The following INTS2 variants were observed in gnomAD, a reference collection of about 807,000 sequenced individuals.
INTS2 encodes integrator complex subunit 2.
Under a neutral mutation model 139.6 loss-of-function variants are expected in INTS2, and 57 were observed. The observed-to-expected ratio is 0.41, with a 90% CI of 0.33 to 0.51. INTS2 has a LOEUF of 0.51. Ranked by LOEUF, INTS2 falls within the 20% of genes least tolerant of loss-of-function variation. The pLI is 0.28. For synonymous variants in INTS2, 473 were observed against 493.4 expected (o/e 0.96, Z 0.55); for missense variants, 1,196 against 1,436.7 (o/e 0.83, Z 2.71).
In INTS2 at chr17:61,869,644, C is replaced by T; in HGVS notation, c.3030+93G>A. On this transcript the variant is annotated intron_variant, in intron 21 of 24. Transcript: ENST00000251334. The surrounding 1 kb of genome is among the most constrained non-coding windows in gnomAD (Gnocchi z 5.4). ...AAAGCCCATGGATCATTTGTGTTTTCTCTGGTTTCTAAATGATCCCTGTTA... is the reference window on the plus strand; with the variant it reads ...AAAGCCCATGGATCATTTGTGTTTTTTCTGGTTTCTAAATGATCCCTGTTA... 7.2e-7 allele frequency: 1 copy of T among 1,396,334 alleles called. No individual in the cohort carries two copies. Among genetic ancestry groups the T allele is most frequent in the Non-Finnish European group, 9.7e-7 (1 of 1,027,374 alleles). 86.5% of individuals were successfully genotyped at this position (1,396,334 alleles called of 1,614,324 possible).
chr17:61,885,113 A>G lies in INTS2; in HGVS notation c.1985-108T>C, dbSNP rs576725065. ...ACAAAGTCAAATTACTTTTAATGCA[A>G]TTAACCTGCGAATATAGCATATAAA... On this transcript the variant is annotated intron_variant, in intron 15 of 24. Transcript: ENST00000251334. 229 of 711,504 alleles carry G rather than the reference A, an allele frequency of 3.2e-4. 2 individuals are homozygous for G. Among genetic ancestry groups the G allele is most frequent in the South Asian group, 3.2e-3 (184 of 58,016 alleles). 44.1% of individuals were successfully genotyped at this position (711,504 alleles called of 1,614,324 possible).
chr17:61,892,285 A>G (rs534703696), intron 13 of INTS2, among the ~76,000 whole-genome samples: 30 of 152,358 alleles, frequency 2.0e-4, no homozygotes, highest in Non-Finnish European at 4.1e-4. Flanking sequence ...GTGATATATC[A>G]TGCATATATT....
At chr17:61,894,421 A>G (rs954967067) in intron 12 of INTS2, among the ~76,000 whole-genome samples, 1 of 152,236 alleles carries the variant, frequency 6.6e-6, no homozygotes, top group African/African-American at 2.4e-5. Flanking sequence ...AATTGGTTCA[A>G]ATTTAAAGAC....
At chr17:61,898,598 A>C (rs1352041001) in intron 9 of INTS2, among the ~76,000 whole-genome samples, 1 of 151,900 alleles carries the variant, frequency 6.6e-6, no homozygotes, top group Non-Finnish European at 1.5e-5. Flanking sequence ...GCCTAGCCTA[A>C]CAATGACTTT....
rs1005928696 is a variant in INTS2, at chr17:61,868,310, A to C, written c.3245-301T>G. Among the ~76,000 whole-genome samples the C allele has an allele frequency of 1.3e-5, 2 of 152,276 alleles. No individual in the cohort carries two copies. Among genetic ancestry groups the C allele is most frequent in the East Asian group, 3.9e-4 (2 of 5,190 alleles). On this transcript the variant is annotated intron_variant, in intron 23 of 24. Coordinates refer to ENST00000251334, the MANE Select transcript of INTS2 (RefSeq NM_001351695.2). The surrounding 1 kb of genome is among the most constrained non-coding windows in gnomAD (Gnocchi z 4.7). ...TATATATGAGAAAACTCTTAAAAAA[A>C]GGTTAGAGAGGTTAAGAAACTTGTT...
At chr17:61,879,071 CTTTTTTTTTT>C (rs943506280) in intron 17 of INTS2, among the ~76,000 whole-genome samples, 7 of 34,416 alleles carry the variant, frequency 2.0e-4, no homozygotes, top group Non-Finnish European at 3.4e-4. Context: ...CCAGGCTGGT[CTTTTTTTTTT>C]TTTTTTTTTT....
intron 6 of INTS2, 63 bp downstream of exon 6, chr17:61,911,877 C>A: frequency 1.3e-6 from 2 of 1,549,232 alleles, no homozygotes; most frequent in Non-Finnish European, 8.7e-7. Context: ...CTAAAACCAT[C>A]TTGAGAAGAG....
Position 61,897,623 on chromosome 17 carries a change from A to T in INTS2, c.1380-40T>A. On this transcript the variant is annotated intron_variant, in intron 10 of 24. Coordinates refer to ENST00000251334, the MANE Select transcript of INTS2 (RefSeq NM_001351695.2). This position sits in a 1 kb window ranked among gnomAD's most constrained non-coding sequence, Gnocchi z 4.4. ...TAGGAAATATGAATTTTCCAAAGAG[A>T]GAAGAAGAAAAGCTTTCTCAACTAA... The T allele has an allele frequency of 6.3e-7, 1 of 1,582,222 alleles. No homozygotes were observed. Among genetic ancestry groups the T allele is most frequent in the Non-Finnish European group, 8.6e-7 (1 of 1,160,322 alleles).
At chr17:61,923,094 T>A (rs924423034) in intron 3 of INTS2, among the ~76,000 whole-genome samples, 8 of 150,704 alleles carry the variant, frequency 5.3e-5, no homozygotes, top group African/African-American at 2.0e-4. Flanking sequence ...CAAACAAAAA[T>A]AAATAAAAGT....
chr17:61,918,734 T>C (rs1243164148), intron 5 of INTS2, among the ~76,000 whole-genome samples: 1 of 152,050 alleles, frequency 6.6e-6, no homozygotes, highest in Non-Finnish European at 1.5e-5. Context: ...GGTGAAAAAA[T>C]GTAGTCGATT....
intron 12 of INTS2, 131 bp from the exon 13 acceptor site, chr17:61,894,030 T>C (rs1164825320): frequency 2.0e-6 from 1 of 501,374 alleles, no homozygotes; most frequent in Non-Finnish European, 3.4e-6. Flanking sequence ...GAAAATAAAT[T>C]ATTACATGTT....
intron 1 of INTS2, 87 bp downstream of exon 1, chr17:61,927,567 A>AT: frequency 2.0e-6 from 2 of 1,016,852 alleles, no homozygotes; most frequent in South Asian, 2.5e-5. Context: ...ACTAGAACCA[A>AT]TAAGTCCCTC....
rs78460850 is a variant in INTS2, at chr17:61,909,823, ATG to A, written c.954+1695_954+1696del. ...TATACGTGTGTGTGTACATGTGTGT[ATG>A]TGTGTGTGTGTGTGTGTGTGTGTGT... On this transcript the variant is annotated intron_variant, in intron 7 of 24. Coordinates refer to ENST00000251334, the MANE Select transcript of INTS2 (RefSeq NM_001351695.2). The surrounding 1 kb of genome is among the most constrained non-coding windows in gnomAD (Gnocchi z 4.9). Among the ~76,000 whole-genome samples, 10,772 of 138,694 alleles carry A rather than the reference ATG, an allele frequency of 0.078. 638 individuals are homozygous for A. Among genetic ancestry groups the A allele is most frequent in the African/African-American group, 0.18 (6,790 of 38,534 alleles). The allele number at this position is 138,694 out of a possible 152,430, so 91.0% of individuals were successfully genotyped here. A position where few individuals can be genotyped will look rare whatever the true frequency, so the allele number is the denominator to read the frequency against.
rs2079717939 is a variant in INTS2, at chr17:61,926,649, ACT to A, written c.-7_-6del. ...AAGACTTGTACATTCAGTCATTATT[ACT>A]GTTTGTTGATCCTAATGGTAAAAAT... On this transcript the variant is annotated 5_prime_UTR_variant, in exon 2 of 25. Transcript: ENST00000251334. 1 of 1,603,450 alleles carries A rather than the reference ACT, an allele frequency of 6.2e-7. No homozygotes were observed. Among genetic ancestry groups the A allele is most frequent in the Non-Finnish European group, 8.5e-7 (1 of 1,174,404 alleles).
At chr17:61,912,148 T>A in intron 5 of INTS2, 78 bp from the exon 6 acceptor site, 1 of 1,475,970 alleles carries the variant, frequency 6.8e-7, no homozygotes, top group Middle Eastern at 1.8e-4. Flanking sequence ...AAGAAAAGGA[T>A]CAGGGTATTT....
intron 1 of INTS2, 90 bp downstream of exon 1, chr17:61,927,564 C>A (rs1603385777): frequency 1.0e-6 from 1 of 975,914 alleles, no homozygotes; most frequent in Non-Finnish European, 1.3e-6. Context: ...GCAACTAGAA[C>A]CAATAAGTCC....
At position 61,909,747 on chromosome 17, in the gene INTS2, T is replaced by G. The variant is rs2079503628; in HGVS notation, c.954+1773A>C. On this transcript the variant is annotated intron_variant, in intron 7 of 24. Transcript: ENST00000251334. This position sits in a 1 kb window ranked among gnomAD's most constrained non-coding sequence, Gnocchi z 4.9. ...TGTCAGACATGATTTTATTCTTTTT[T>G]ATGGTTGAGTTGTATTCCATGGTGT... is the stretch of plus-strand genomic sequence containing the variant. Among the ~76,000 whole-genome samples the G allele has an allele frequency of 2.0e-5, 3 of 152,116 alleles. No homozygotes were observed. Among genetic ancestry groups the G allele is most frequent in the Admixed American group, 2.0e-4 (3 of 15,258 alleles).
intron 7 of INTS2, chr17:61,910,559 T>C (rs914852309): frequency 1.4e-5 from 2 of 141,126 alleles, no homozygotes; most frequent in East Asian, 2.1e-4. Context: ...GCCATTGTAC[T>C]CCAGCCTGGG....
At chr17:61,905,916 C>T (rs2079457802) in intron 8 of INTS2, among the ~76,000 whole-genome samples, 1 of 152,162 alleles carries the variant, frequency 6.6e-6, no homozygotes, top group South Asian at 2.1e-4. Context: ...AGGCTGGTCT[C>T]GAACTCCCAA....
Sources: gnomAD v4.1 joint callset for allele counts (sites outside exome capture counted in the v4.1 genomes callset) on GRCh38, gnomAD v4.1.1 for gene constraint, Gnocchi (gnomAD v3.1) non-coding constraint, MANE v1.5 for transcripts, NCBI Gene and HGNC (gene_info 2026-07-23, HGNC 2026-07-21) for gene names.